The following KIAA1671 variants were observed in gnomAD, a reference collection of about 807,000 sequenced individuals.
KIAA1671 encodes the protein uncharacterized protein KIAA1671.
KIAA1671 carries 52 observed loss-of-function variants against 131.2 expected under a neutral mutation model. The ratio of observed to expected loss-of-function variants is 0.40; its 90% CI spans 0.32 to 0.50. The LOEUF (loss-of-function observed/expected upper bound fraction) is 0.50, where lower values mean the gene tolerates loss of function less well. Ranked by LOEUF, KIAA1671 falls within the 20% of genes least tolerant of loss-of-function variation. KIAA1671 has a pLI of 0.73. For synonymous variants in KIAA1671, 1,003 were observed against 961.6 expected (o/e 1.04, Z -0.80); for missense variants, 2,360 against 2,364.2 (o/e 1.00, Z 0.04).
intron 6 of KIAA1671, among the ~76,000 whole-genome samples, chr22:25,124,090 G>A (rs1932068411): frequency 6.6e-6 from 1 of 152,200 alleles, no homozygotes; most frequent in Non-Finnish European, 1.5e-5. Context: ...CAGCCAGCCT[G>A]GGGTCAGGCT....
intron 1 of KIAA1671, among the ~76,000 whole-genome samples, chr22:25,004,845 C>CT (rs1475186470): frequency 4.0e-5 from 6 of 151,444 alleles, no homozygotes; most frequent in Non-Finnish European, 8.8e-5. Context: ...ACTCGGGAGG[C>CT]TGAGGCAGGA....
intron 6 of KIAA1671, among the ~76,000 whole-genome samples, chr22:25,169,012 C>T (rs975169991): frequency 6.6e-6 from 1 of 152,078 alleles, no homozygotes; most frequent in Non-Finnish European, 1.5e-5. Flanking sequence ...GCAGAATGTG[C>T]CTCCTGATCT....
rs1168521923 is a variant in KIAA1671 at position 25,029,495 on chromosome 22, G to A, written c.1496G>A (p.Arg499Lys). 1.9e-6 allele frequency: 3 copies of A among 1,550,472 alleles called. No homozygotes were observed. The highest frequency in any genetic ancestry group is 1.4e-5 in the African/African-American group (1 of 73,144). ...TCAGAGGCTAAGCCCGAGGTCAGGA[G>A]GAGGACGTTCCAGGCTCGGCCGCTG... is the stretch of plus-strand genomic sequence containing the variant. ...ESSEAKPEVR[R>K]RTFQARPLSA... is the part of the protein sequence containing the mutation. The change falls in exon 3 of 13, where the codon AGG becomes AAG. Residue 499 changes from arginine (R) to lysine (K), a missense_variant. Transcript: ENST00000358431.
At chr22:24,972,785 C>T (rs1922693616) in intron 1 of KIAA1671, among the ~76,000 whole-genome samples, 1 of 152,176 alleles carries the variant, frequency 6.6e-6, no homozygotes, top group Non-Finnish European at 1.5e-5. Flanking sequence ...GGGTTCAGTG[C>T]CTTCGTAGTC....
At chr22:24,973,971 C>T (rs909524685) in intron 1 of KIAA1671, among the ~76,000 whole-genome samples, 3 of 151,386 alleles carry the variant, frequency 2.0e-5, no homozygotes, top group Non-Finnish European at 4.4e-5. Flanking sequence ...CGTGTAGACC[C>T]GGGCCTGGCT....
chr22:25,040,903 G>T lies in KIAA1671; in HGVS notation c.3773G>T (p.Gly1258Val), dbSNP rs2145807237. 1.3e-6 allele frequency: 2 copies of T among 1,512,376 alleles called. No homozygotes were observed. Among genetic ancestry groups the T allele is most frequent in the East Asian group, 2.5e-5 (1 of 40,534 alleles). 93.7% of individuals were successfully genotyped at this position (1,512,376 alleles called of 1,614,324 possible). ...CTGAAGGAGATGCCCGATACCGGGG[G>T]TCTCTGGAAACCGGCCAGTTCTGCC... Reference protein sequence around the residue: ...RSLKEMPDTGGLWKPASSAEI... With the variant: ...RSLKEMPDTGVLWKPASSAEI... The change falls in exon 5 of 13, where the codon GGT (glycine) becomes GTT (valine). Residue 1258 changes from glycine to valine, a missense_variant. Around this residue, in one of 3 missense-constraint regions of KIAA1671, gnomAD observed 1,161 missense variants for 1,204.7 expected, o/e 0.96. Transcript: ENST00000358431.
chr22:25,080,812 C>CT (rs1420057801), intron 6 of KIAA1671, among the ~76,000 whole-genome samples: 3 of 152,232 alleles, frequency 2.0e-5, no homozygotes, highest in South Asian at 2.1e-4. Flanking sequence ...AAATAGATTG[C>CT]TTTTTACAGT....
chr22:25,101,870 T>TGGGTAAACCAAATTATGGCC, intron 6 of KIAA1671, among the ~76,000 whole-genome samples: 1 of 152,258 alleles, frequency 6.6e-6, no homozygotes, highest in East Asian at 1.9e-4. Flanking sequence ...GGAAGACTGA[T>TGGGTAAACCAAATTATGGCC]GGGTAAACCA....
chr22:25,155,978 G>T (rs1450982211), intron 6 of KIAA1671, among the ~76,000 whole-genome samples: 1 of 122,088 alleles, frequency 8.2e-6, no homozygotes, highest in African/African-American at 2.9e-5. Context: ...GTGTATTTGT[G>T]TGTATCTTTT....
intron 6 of KIAA1671, among the ~76,000 whole-genome samples, chr22:25,133,689 C>T (rs926926888): frequency 1.3e-5 from 2 of 152,086 alleles, no homozygotes; most frequent in Non-Finnish European, 2.9e-5. Flanking sequence ...ACTACAGGCA[C>T]CCACCATGGT....
chr22:25,028,175 G>T lies in KIAA1671; in HGVS notation c.176G>T (p.Arg59Leu). The change falls in exon 3 of 13, where the codon CGG becomes CTG. Residue 59 changes from arginine (R) to leucine (L), a missense_variant. Physicochemically the swap from Arg to Leu is moderately radical, Grantham distance 102. Around this residue, in one of 3 missense-constraint regions of KIAA1671, gnomAD observed 1,185 missense variants for 1,126.2 expected, o/e 1.05. Transcript: ENST00000358431. ...AAGAGCCCCCTGCGGAGCCCGGCCC[G>T]GTTACTCCCTCTGCCAAGGCTCGCC... ...EAKSPLRSPA[R>L]LLPLPRLAPK... is the part of the protein sequence containing the mutation. The T allele has an allele frequency of 1.3e-6, 2 of 1,549,868 alleles. No homozygotes were observed. Among genetic ancestry groups the T allele is most frequent in the South Asian group, 2.4e-5 (2 of 83,936 alleles).
chr22:25,130,113 A>C (rs1426525255), intron 6 of KIAA1671, among the ~76,000 whole-genome samples: 1 of 152,244 alleles, frequency 6.6e-6, no homozygotes, highest in Non-Finnish European at 1.5e-5. Flanking sequence ...ATTATTATCA[A>C]TATGATTATA....
intron 1 of KIAA1671, chr22:25,012,766 G>A (rs1925106054): frequency 6.6e-6 from 1 of 152,222 alleles, no homozygotes; most frequent in Admixed American, 6.5e-5. Flanking sequence ...GTTAAATTGG[G>A]AGATGAGCAG....
chr22:25,132,831 GATCAC>G (rs1213551829), intron 6 of KIAA1671, among the ~76,000 whole-genome samples: 1 of 152,154 alleles, frequency 6.6e-6, no homozygotes, highest in Non-Finnish European at 1.5e-5. Context: ...AAGGCAGGCA[GATCAC>G]CTGAGGTTAG....
Position 25,040,819 on chromosome 22 carries a change from G to A in KIAA1671, c.3689G>A (p.Ser1230Asn), listed in dbSNP as rs1926878804. Residue 1230 changes from serine (S) to asparagine (N), a missense_variant, in exon 5 of 13, where the codon AGT becomes AAT. Ser to Asn is a conservative substitution (Grantham distance 46). Coordinates refer to ENST00000358431, the MANE Select transcript of KIAA1671 (RefSeq NM_001145206.2). ...QERRSPTVEP[S>N]TLPRERPVQL... The stretch of plus-strand genomic sequence containing the variant: ...AGGAGGAGTCCCACCGTGGAGCCCA[G>A]TACGTTGCCTCGGGAGAGGCCTGTT... 4.5e-6 allele frequency: 7 copies of A among 1,551,696 alleles called. No individual in the cohort carries two copies. The highest frequency in any genetic ancestry group is 1.7e-4 in the Middle Eastern group (1 of 5,992).
intron 6 of KIAA1671, among the ~76,000 whole-genome samples, chr22:25,082,562 G>A (rs1183915567): frequency 6.6e-6 from 1 of 152,232 alleles, no homozygotes; most frequent in Admixed American, 6.5e-5. Flanking sequence ...GCCAGGCCTG[G>A]TGGCTCATGC....
Position 25,190,734 on chromosome 22 carries a change from A to T in KIAA1671, c.5375A>T (p.Glu1792Val). ...GAACCCTCTCCCCAGTGGCTAAAGG[A>T]ATTGAAATCCAAGAAGAGGCAAAGT... ...SDEPSPQWLK[E>V]LKSKKRQSLY... The change falls in exon 12 of 13, where the codon GAA becomes GTA. Residue 1792 changes from glutamate (E) to valine (V), a missense_variant. By Grantham distance (121) the Glu-to-Val change is moderately radical. This residue lies in a region of KIAA1671 where 1,161 missense variants were observed against 1,204.7 expected (regional missense o/e 0.96). Coordinates refer to ENST00000358431, the MANE Select transcript of KIAA1671 (RefSeq NM_001145206.2). 6.4e-7 allele frequency: 1 copy of T among 1,551,876 alleles called. No homozygotes were observed. The highest frequency in any genetic ancestry group is 1.2e-5 in the South Asian group (1 of 84,058).
intron 10 of KIAA1671, 28 bp from the exon 11 acceptor site, chr22:25,184,949 T>C (rs1934420076): frequency 6.4e-7 from 1 of 1,550,486 alleles, no homozygotes; most frequent in Non-Finnish European, 8.7e-7. Context: ...AAGGGCAGCT[T>C]ATAGACTCAG....
intron 6 of KIAA1671, among the ~76,000 whole-genome samples, chr22:25,161,671 T>G (rs1208871676): frequency 6.6e-6 from 1 of 152,194 alleles, no homozygotes; most frequent in Non-Finnish European, 1.5e-5. Context: ...CTGGACCTTC[T>G]GAAAAGACGG....
Sources: allele counts gnomAD v4.1 joint callset (sites outside exome capture counted in the v4.1 genomes callset), GRCh38; gene constraint gnomAD v4.1.1; regional missense constraint gnomAD v4.1.1; transcripts MANE v1.5; gene names NCBI Gene and HGNC (gene_info 2026-07-23, HGNC 2026-07-21).